GGT5: variants seen among roughly 807,000 people sequenced by gnomAD.
GGT5 encodes the protein glutathione hydrolase 5 proenzyme.
A neutral mutation model predicts 58.1 loss-of-function variants in GGT5; 50 were observed. The ratio of observed to expected loss-of-function variants is 0.86; its 90% CI spans 0.69 to 1.09. The LOEUF (loss-of-function observed/expected upper bound fraction) is 1.09, where lower values mean the gene tolerates loss of function less well. Among genes scored for constraint, GGT5 ranks in the 50% least tolerant of loss-of-function variants. The pLI is 0.00. For synonymous variants in GGT5, 370 were observed against 346.1 expected (o/e 1.07, Z -0.77); for missense variants, 800 against 789.4 (o/e 1.01, Z -0.16).
intron 1 of GGT5, among the ~76,000 whole-genome samples, chr22:24,237,694 A>C (rs1320222525): frequency 6.6e-6 from 1 of 152,088 alleles, no homozygotes; most frequent in African/African-American, 2.4e-5. Context: ...AGCGTGAGCC[A>C]CCGCACCCGG....
chr22:24,228,514 G>A (rs1487702581), intron 6 of GGT5, among the ~76,000 whole-genome samples: 1 of 150,308 alleles, frequency 6.7e-6, no homozygotes, highest in East Asian at 2.0e-4. Context: ...GCAGTGGTGT[G>A]ATCTCAGCTC....
Position 24,220,033 on chromosome 22 carries a change from C to T in GGT5, c.1698G>A (p.Gln566=), listed in dbSNP as rs1203597127. 6.2e-7 allele frequency: 1 copy of T among 1,614,180 alleles called. No individual in the cohort carries two copies. The highest frequency in any genetic ancestry group is 8.5e-7 in the Non-Finnish European group (1 of 1,180,018). ...AGACGGCGTACACACAGGCCCCCTC[C>T]TGGGACACAGCCTGGACCACGTTCA... ...FFLNVVQAVS[Q]EGACVYAVSD... is the part of the protein sequence containing the mutation. The change falls in exon 12 of 12, where the codon CAG becomes CAA. Residue 566 remains glutamine (Q), a synonymous_variant. Coordinates refer to ENST00000327365, the MANE Select transcript of GGT5 (RefSeq NM_004121.5).
At chr22:24,244,459 C>T (rs931543691) in intron 1 of GGT5, 94 bp downstream of exon 1, 1 of 1,072,636 alleles carries the variant, frequency 9.3e-7, no homozygotes, top group African/African-American at 1.6e-5. Flanking sequence ...CACACCCACA[C>T]ATACATTCAC....
chr22:24,241,155 C>CT (rs2048315713), intron 1 of GGT5: 1 of 51,708 alleles, frequency 1.9e-5, no homozygotes, highest in African/African-American at 7.3e-5. Context: ...AAAACTCCAT[C>CT]TCAAAAAAAA....
At chr22:24,230,292 TG>T (rs1412938890) in intron 6 of GGT5, among the ~76,000 whole-genome samples, 1 of 150,306 alleles carries the variant, frequency 6.7e-6, no homozygotes, top group Non-Finnish European at 1.5e-5. Context: ...TGCTTGTACC[TG>T]GGAGGCAGAG....
chr22:24,233,943 T>C lies in GGT5; in HGVS notation c.235A>G (p.Ser79Gly), dbSNP rs200071733. ...DATIAALVCTSVVNPQSMGLG... is the reference protein window; with the variant it reads ...DATIAALVCTGVVNPQSMGLG... ...CCCATGCTCTGAGGGTTGACGACGC[T>C]GGTGCAGACCAGAGCCGCGATGGTG... Residue 79 changes from serine to glycine, a missense_variant, in exon 2 of 12, where the codon AGC (serine) becomes GGC (glycine). Transcript: ENST00000327365. 8.1e-6 allele frequency: 13 copies of C among 1,613,644 alleles called. No homozygotes were observed. The East Asian group carries it at 2.9e-4, about 36-fold the overall frequency.
chr22:24,229,274 G>C (rs530280707), intron 6 of GGT5, among the ~76,000 whole-genome samples: 2 of 151,832 alleles, frequency 1.3e-5, no homozygotes, highest in East Asian at 3.9e-4. Context: ...AGTTGTGGTG[G>C]CAGGCGCCTG....
chr22:24,238,548 A>T (rs1418403504), intron 1 of GGT5, among the ~76,000 whole-genome samples: 1 of 144,916 alleles, frequency 6.9e-6, no homozygotes. Flanking sequence ...AAAAAAAAAT[A>T]CAAAAATTAG....
At chr22:24,227,839 C>T (rs554411679) in intron 6 of GGT5, among the ~76,000 whole-genome samples, 17 of 151,888 alleles carry the variant, frequency 1.1e-4, no homozygotes, top group African/African-American at 3.9e-4. Flanking sequence ...AGGCTGAGGT[C>T]AGGAGTTCAA....
chr22:24,222,811 C>G (rs919185146), intron 11 of GGT5, among the ~76,000 whole-genome samples: 1 of 152,064 alleles, frequency 6.6e-6, no homozygotes, highest in African/African-American at 2.4e-5. Flanking sequence ...GGCGCGGTGG[C>G]TCACGCCTAT....
At position 24,226,217 on chromosome 22, in the gene GGT5, T is replaced by C. The variant is rs1286498607; in HGVS notation, c.1088A>G (p.Gln363Arg). Reference sequence around the variant, plus strand: ...GTGGTCCCCCCGGCCATCGATCTGTTGGCGGATGAGCTGGGCCAGGGTCTC... The same window carrying C: ...GTGGTCCCCCCGGCCATCGATCTGTCGGCGGATGAGCTGGGCCAGGGTCTC... ...LGETLAQLIRQQIDGRGDHQL... is the reference protein window; with the variant it reads ...LGETLAQLIRRQIDGRGDHQL... Residue 363 changes from glutamine to arginine, a missense_variant, in exon 8 of 12, where the codon CAA becomes CGA. Transcript: ENST00000327365. 1 of 1,606,616 alleles carries C rather than the reference T, an allele frequency of 6.2e-7. No individual in the cohort carries two copies. The highest frequency in any genetic ancestry group is 1.7e-5 in the Admixed American group (1 of 59,864).
chr22:24,220,141 A>C lies in GGT5; in HGVS notation c.1615-25T>G, dbSNP rs530132515. ...CCTGGAGAGGAGAGAAAGCAGGTTC[A>C]CAGGGGAGGGCAGCTCAGCCCATCT... On this transcript the variant is annotated intron_variant, in intron 11 of 11. Transcript: ENST00000327365. The C allele has an allele frequency of 2.6e-5, 42 of 1,612,546 alleles. No individual in the cohort carries two copies. In the East Asian group the frequency reaches 3.1e-4, roughly 12 times the overall value.
intron 6 of GGT5, among the ~76,000 whole-genome samples, chr22:24,230,157 C>G (rs892304806): frequency 2.0e-5 from 3 of 152,022 alleles, no homozygotes; most frequent in Non-Finnish European, 4.4e-5. Context: ...CACCTGACAT[C>G]AGAAGTTCAA....
intron 1 of GGT5, among the ~76,000 whole-genome samples, chr22:24,237,092 C>T (rs1260293049): frequency 4.0e-5 from 6 of 150,460 alleles, no homozygotes; most frequent in Non-Finnish European, 7.4e-5. Flanking sequence ...ACTTTTGTAC[C>T]AACCTAATAT....
In GGT5 at chr22:24,228,070, AAC is replaced by A. The variant is rs1223873287; in HGVS notation, c.902-1305_902-1304del. 7.1e-4 allele frequency among the ~76,000 whole-genome samples: 64 copies of A among 89,922 alleles called. 5 individuals carry two copies. Among genetic ancestry groups the A allele is most frequent in the African/African-American group, 1.7e-3 (39 of 22,328 alleles). The allele number at this position is 89,922 out of a possible 152,430, so 59.0% of individuals were successfully genotyped here. On this transcript the variant is annotated intron_variant, in intron 6 of 11. Coordinates refer to ENST00000327365, the MANE Select transcript of GGT5 (RefSeq NM_004121.5). The stretch of plus-strand genomic sequence containing the variant: ...TCTCAAAAAAAAAAAAAAAAAACAA[AAC>A]AAAAAAAAAAAAACTCTGAAAAATA...
chr22:24,241,293 C>T (rs1420728109), intron 1 of GGT5: 1 of 152,036 alleles, frequency 6.6e-6, no homozygotes, highest in Non-Finnish European at 1.5e-5. Flanking sequence ...TAGGAATTGG[C>T]TCACATGATT....
chr22:24,243,531 CCTTG>C (rs2048380688), intron 1 of GGT5: 1 of 152,244 alleles, frequency 6.6e-6, no homozygotes, highest in Non-Finnish European at 1.5e-5. Context: ...GCCACTCCTC[CCTTG>C]CTTTAATTTA....
rs747397599 is a variant in GGT5, at chr22:24,219,938, G to C, written c.*32C>G. Reference sequence around the variant, plus strand: ...GGCCTGGACACAGGACTCATGGTGGGGCCAGACTTCAGCTCTGGGCAGAGC... The same window carrying C: ...GGCCTGGACACAGGACTCATGGTGGCGCCAGACTTCAGCTCTGGGCAGAGC... On this transcript the variant is annotated 3_prime_UTR_variant, in exon 12 of 12. Coordinates refer to ENST00000327365, the MANE Select transcript of GGT5 (RefSeq NM_004121.5). 2 of 1,609,728 alleles carry C rather than the reference G, an allele frequency of 1.2e-6. No individual in the cohort carries two copies. The highest frequency in any genetic ancestry group is 2.7e-5 in the African/African-American group (2 of 74,856).
At chr22:24,241,822 T>C (rs1444964196) in intron 1 of GGT5, 1 of 96,304 alleles carries the variant, frequency 1.0e-5, no homozygotes, top group East Asian at 2.6e-4. Context: ...TTCTTTCTTT[T>C]TTTTTTTTTC....
Sources: gnomAD v4.1 joint callset for allele counts (sites outside exome capture counted in the v4.1 genomes callset) on GRCh38, gnomAD v4.1.1 for gene constraint, MANE v1.5 for transcripts, NCBI Gene and HGNC (gene_info 2026-07-23, HGNC 2026-07-21) for gene names.